The following AK5 variants were observed in gnomAD, a reference collection of about 807,000 sequenced individuals.
The protein encoded by AK5 is adenylate kinase 5.
In AK5, 27 loss-of-function variants were observed where a neutral mutation model predicts 69.5. That is an observed-to-expected ratio of 0.39 (90% CI 0.29 to 0.54). The LOEUF (loss-of-function observed/expected upper bound fraction) is 0.54, where lower values mean the gene tolerates loss of function less well. AK5 is among the 20% of genes least tolerant of loss of function. The pLI, the probability that AK5 is intolerant of heterozygous loss-of-function variation, is 0.71. For missense variants in AK5, 531 were observed against 700.4 expected (o/e 0.76, Z 2.73); for synonymous variants, 260 against 244.4 (o/e 1.06, Z -0.60).
chr1:77,487,742 G>A (rs1043237826), intron 10 of AK5, among the ~76,000 whole-genome samples: 2 of 152,178 alleles, frequency 1.3e-5, no homozygotes, highest in African/African-American at 4.8e-5. Context: ...TCTGACTGTA[G>A]TTCCTCACTC....
chr1:77,425,107 A>G (rs1392312732), intron 8 of AK5, among the ~76,000 whole-genome samples: 2 of 152,210 alleles, frequency 1.3e-5, no homozygotes, highest in Admixed American at 6.5e-5. Flanking sequence ...AAGAAAATGG[A>G]GTAAAATATT....
chr1:77,550,758 A>G (rs1207892572), intron 13 of AK5, among the ~76,000 whole-genome samples: 6 of 152,394 alleles, frequency 3.9e-5, no homozygotes, highest in Non-Finnish European at 7.3e-5. Flanking sequence ...TTAGATGAGC[A>G]AAGAGAATCT....
intron 8 of AK5, among the ~76,000 whole-genome samples, chr1:77,467,040 G>A (rs1570189690): frequency 6.6e-6 from 1 of 152,230 alleles, no homozygotes; most frequent in South Asian, 2.1e-4. Context: ...AGCTTCTATG[G>A]GACCACATTA....
chr1:77,307,403 T>TA (rs1222359324), intron 5 of AK5, among the ~76,000 whole-genome samples: 1 of 151,784 alleles, frequency 6.6e-6, no homozygotes, highest in East Asian at 1.9e-4. Flanking sequence ...ATCACATATA[T>TA]TTGTATTTTT....
chr1:77,555,404 C>T (rs997139038), intron 13 of AK5, among the ~76,000 whole-genome samples: 1 of 152,164 alleles, frequency 6.6e-6, no homozygotes, highest in Non-Finnish European at 1.5e-5. Context: ...CTTGCTACTC[C>T]CCCTCATATC....
At chr1:77,520,038 C>T (rs567656945) in intron 11 of AK5, among the ~76,000 whole-genome samples, 4 of 152,130 alleles carry the variant, frequency 2.6e-5, no homozygotes, top group South Asian at 4.2e-4. Context: ...CCCATCTCTA[C>T]TAAAACTACA....
rs189064740 is a variant in AK5, at chr1:77,526,527, G to A, written c.1428+4584G>A. ...GTCTCGCTCTGTCGCCCAGGCTGGA[G>A]TGCCGTGGTGCGATCTTGGCTCACT... On this transcript the variant is annotated intron_variant, in intron 12 of 13. Coordinates refer to ENST00000354567, the MANE Select transcript of AK5 (RefSeq NM_174858.3). Among the ~76,000 whole-genome samples, 441 of 142,644 alleles carry A rather than the reference G, an allele frequency of 3.1e-3. 1 individual carries two copies. Among genetic ancestry groups the A allele is most frequent in the African/African-American group, 0.011 (427 of 37,816 alleles). The allele number at this position is 142,644 out of a possible 152,430, so 93.6% of individuals were successfully genotyped here.
chr1:77,383,960 T>G (rs1295647936), intron 6 of AK5, among the ~76,000 whole-genome samples: 1 of 152,100 alleles, frequency 6.6e-6, no homozygotes, highest in Non-Finnish European at 1.5e-5. Flanking sequence ...AAAGGGTGGA[T>G]GAATTTCATT....
chr1:77,330,231 CTATTT>C (rs1661015981), intron 5 of AK5, among the ~76,000 whole-genome samples: 1 of 152,130 alleles, frequency 6.6e-6, no homozygotes, highest in African/African-American at 2.4e-5. Context: ...GTGTTTTTCT[CTATTT>C]TAAAGCAATC....
intron 6 of AK5, among the ~76,000 whole-genome samples, chr1:77,399,443 C>T (rs944193030): frequency 6.6e-6 from 1 of 152,136 alleles, no homozygotes; most frequent in Admixed American, 6.6e-5. Context: ...TCGACTGTCT[C>T]CTAATTAGAC....
chr1:77,389,004 G>T (rs979184439), intron 6 of AK5, among the ~76,000 whole-genome samples: 3 of 152,098 alleles, frequency 2.0e-5, no homozygotes. Context: ...ACCTTGTCTG[G>T]AAAAAAGAAG....
chr1:77,495,129 A>G (rs1035031062), intron 10 of AK5, among the ~76,000 whole-genome samples: 4 of 152,156 alleles, frequency 2.6e-5, no homozygotes, highest in African/African-American at 4.8e-5. Context: ...ATCAGCACTC[A>G]TATTCTTCCC....
intron 2 of AK5, 114 bp from the exon 3 acceptor site, chr1:77,293,679 T>G: frequency 1.0e-5 from 9 of 884,342 alleles, no homozygotes; most frequent in Non-Finnish European, 1.5e-5. Flanking sequence ...TTCTTCCAGT[T>G]AAGAAAAAAA....
At chr1:77,376,232 T>G (rs1452827657) in intron 6 of AK5, among the ~76,000 whole-genome samples, 1 of 152,028 alleles carries the variant, frequency 6.6e-6, no homozygotes, top group African/African-American at 2.4e-5. Context: ...TAATTTGATT[T>G]AAAGTCTGCA....
chr1:77,287,145 T>C lies in AK5; in HGVS notation c.247+18T>C, dbSNP rs1371708092. On this transcript the variant is annotated intron_variant, in intron 2 of 13. Transcript: ENST00000354567. ...AAGAAATGGTAATGTATATGGAGAA[T>C]AATAGACAGTTTTATAGTTATAGCA... 1 of 1,487,074 alleles carries C rather than the reference T, an allele frequency of 6.7e-7. No individual in the cohort carries two copies. Among genetic ancestry groups the C allele is most frequent in the South Asian group, 1.4e-5 (1 of 70,704 alleles). 92.1% of individuals were successfully genotyped at this position (1,487,074 alleles called of 1,614,324 possible).
intron 6 of AK5, among the ~76,000 whole-genome samples, chr1:77,387,742 T>A (rs1423423502): frequency 6.6e-6 from 1 of 152,222 alleles, no homozygotes; most frequent in East Asian, 1.9e-4. Flanking sequence ...ATGAGCAGCA[T>A]GGAGTCAAAA....
Position 77,297,614 on chromosome 1 carries a change from A to T in AK5, c.471A>T (p.Gly157=). 1 of 1,613,800 alleles carries T rather than the reference A, an allele frequency of 6.2e-7. No homozygotes were observed. The highest frequency in any genetic ancestry group is 8.5e-7 in the Non-Finnish European group (1 of 1,179,898). The part of the protein sequence containing the change: ...TQSLKIAERY[G]FQYISVGELL... ...GTTTGAAAATTGCAGAACGATATGG[A>T]TTCCAATACATTTCTGTGGGAGAAT... The change falls in exon 4 of 14, where the codon GGA becomes GGT. Residue 157 remains glycine, a synonymous_variant. Coordinates refer to ENST00000354567, the MANE Select transcript of AK5 (RefSeq NM_174858.3).
intron 6 of AK5, among the ~76,000 whole-genome samples, chr1:77,408,785 G>A (rs1371149378): frequency 6.6e-6 from 1 of 151,592 alleles, no homozygotes; most frequent in Non-Finnish European, 1.5e-5. Context: ...TTTTGGTTTG[G>A]GGGCACATGT....
intron 5 of AK5, among the ~76,000 whole-genome samples, chr1:77,326,856 AT>A (rs36057604): frequency 0.15 from 23,211 of 151,958 alleles, 2,234 homozygotes; most frequent in Non-Finnish European, 0.21. Context: ...TTAGCTCCAA[AT>A]TTTTTTTGAA....
Sources: allele counts gnomAD v4.1 joint callset (sites outside exome capture counted in the v4.1 genomes callset), GRCh38; gene constraint gnomAD v4.1.1; transcripts MANE v1.5; gene names NCBI Gene and HGNC (gene_info 2026-07-23, HGNC 2026-07-21).